The following PDE8B variants were observed in gnomAD, a reference collection of about 807,000 sequenced individuals.
The protein encoded by PDE8B is phosphodiesterase 8B.
A neutral mutation model predicts 101.3 loss-of-function variants in PDE8B; 26 were observed. The ratio of observed to expected loss-of-function variants is 0.26; its 90% CI spans 0.19 to 0.36. The LOEUF (loss-of-function observed/expected upper bound fraction) is 0.36. Ranked by LOEUF, PDE8B falls within the 10% of genes least tolerant of loss-of-function variation. The pLI, the probability that PDE8B is intolerant of heterozygous loss-of-function variation, is 1.00. For synonymous variants in PDE8B, 424 were observed against 429.3 expected (o/e 0.99, Z 0.15); for missense variants, 810 against 1,163.1 (o/e 0.70, Z 4.42).
At chr5:77,349,698 G>A (rs1231275281) in intron 8 of PDE8B, 139 bp downstream of exon 8, 2 of 998,450 alleles carry the variant, frequency 2.0e-6, no homozygotes, top group East Asian at 2.6e-5. Context: ...TTTGCAAAAT[G>A]AGTTCGTTTT....
intron 10 of PDE8B, among the ~76,000 whole-genome samples, chr5:77,388,611 C>T (rs1404355374): frequency 6.6e-6 from 1 of 152,178 alleles, no homozygotes; most frequent in Non-Finnish European, 1.5e-5. Context: ...GCTGGGAGAT[C>T]CGCTGCTCTC....
intron 1 of PDE8B, among the ~76,000 whole-genome samples, chr5:77,289,738 G>A (rs1300835166): frequency 1.3e-5 from 2 of 152,258 alleles, no homozygotes; most frequent in Admixed American, 1.3e-4. Context: ...TGTGAGGCCA[G>A]TGTCTGGAAC....
At chr5:77,106,512 GT>G in the PDE8B span, among the ~76,000 whole-genome samples, 2 of 152,100 alleles carry the variant, frequency 1.3e-5, no homozygotes, top group East Asian at 3.8e-4. Flanking sequence ...GCATATCTAT[GT>G]TTTTGCCATT....
At chr5:77,199,537 C>G in the PDE8B span, among the ~76,000 whole-genome samples, 1 of 152,054 alleles carries the variant, frequency 6.6e-6, no homozygotes, top group Non-Finnish European at 1.5e-5. Flanking sequence ...TCAGATCCCC[C>G]GTTATGAAGG....
At chr5:77,350,718 TATG>T (rs1780943897) in intron 8 of PDE8B, among the ~76,000 whole-genome samples, 2 of 152,202 alleles carry the variant, frequency 1.3e-5, no homozygotes, top group Admixed American at 6.5e-5. Flanking sequence ...GTAAATTTAG[TATG>T]ATAATGCCAA....
At chr5:77,315,449 A>G (rs917635830) in intron 2 of PDE8B, among the ~76,000 whole-genome samples, 2 of 152,076 alleles carry the variant, frequency 1.3e-5, no homozygotes, top group Admixed American at 6.6e-5. Context: ...GGCCTTTGCT[A>G]CTGATTTTTT....
chr5:77,353,731 A>C (rs182084085), intron 10 of PDE8B, among the ~76,000 whole-genome samples: 1 of 152,220 alleles, frequency 6.6e-6, no homozygotes, highest in African/African-American at 2.4e-5. Flanking sequence ...GTTGGAAAGT[A>C]TATATCCATT....
chr5:77,310,363 C>T lies in PDE8B; in HGVS notation c.340-1631C>T, dbSNP rs576628272. ...GTGGAGCTGGGTGAAGGGCTGGCAG[C>T]CCAGTGACGCAGCAGGTTCTGGTGC... On this transcript the variant is annotated intron_variant, in intron 1 of 21. Transcript: ENST00000264917. Among the ~76,000 whole-genome samples the T allele has an allele frequency of 3.3e-5, 5 of 152,350 alleles. No homozygotes were observed. The South Asian group carries it at 8.3e-4, about 25-fold the overall frequency.
chr5:77,180,967 C>CGTGTGTGTGTGTGT, the PDE8B span, among the ~76,000 whole-genome samples: 258 of 147,634 alleles, frequency 1.7e-3, 1 homozygote, highest in Admixed American at 3.8e-3. Context: ...GGTGTGTACA[C>CGTGTGTGTGTGTGT]GTGTGTGTGT....
In PDE8B at chr5:77,418,216, C is replaced by G. The variant is rs754079812; in HGVS notation, c.1912-13C>G. ...CAGTGGGTAATGCTCAACCTTGCCTCCCCATATCCCAGGGAAGCCTCGATC... is the reference window on the plus strand; with the variant it reads ...CAGTGGGTAATGCTCAACCTTGCCTGCCCATATCCCAGGGAAGCCTCGATC... On this transcript the variant is annotated splice_polypyrimidine_tract_variant and intron_variant, in intron 17 of 21. Coordinates refer to ENST00000264917, the MANE Select transcript of PDE8B (RefSeq NM_003719.5). The G allele has an allele frequency of 1.3e-6, 2 of 1,568,998 alleles. No homozygotes were observed. Among genetic ancestry groups the G allele is most frequent in the Non-Finnish European group, 1.8e-6 (2 of 1,138,894 alleles).
chr5:77,306,717 A>G (rs1361730021), intron 1 of PDE8B, among the ~76,000 whole-genome samples: 1 of 152,196 alleles, frequency 6.6e-6, no homozygotes, highest in African/African-American at 2.4e-5. Flanking sequence ...AGCTGCAGCA[A>G]TCACCTCTAG....
chr5:77,158,987 C>A, the PDE8B span, among the ~76,000 whole-genome samples: 3 of 152,164 alleles, frequency 2.0e-5, no homozygotes, highest in Non-Finnish European at 2.9e-5. Flanking sequence ...TGAGAGAATG[C>A]CTCCTTGCCC....
the PDE8B span, among the ~76,000 whole-genome samples, chr5:77,091,096 A>G: frequency 6.6e-6 from 1 of 152,148 alleles, no homozygotes; most frequent in African/African-American, 2.4e-5. Flanking sequence ...TGACTTTTTG[A>G]TAATAGTCAT....
intron 3 of PDE8B, 151 bp downstream of exon 3, chr5:77,325,880 A>G (rs1011327436): frequency 6.1e-6 from 4 of 657,196 alleles, no homozygotes; most frequent in African/African-American, 1.8e-5. Context: ...GGTGAAAGCT[A>G]TAGCTCCTTC....
At chr5:77,183,149 T>A in the PDE8B span, among the ~76,000 whole-genome samples, 1 of 150,580 alleles carries the variant, frequency 6.6e-6, no homozygotes, top group Admixed American at 6.6e-5. Context: ...AGACAGAGTC[T>A]TGCTCTGTTG....
chr5:77,426,016 G>T, intron 21 of PDE8B, 120 bp downstream of exon 21: 1 of 983,678 alleles, frequency 1.0e-6, no homozygotes, highest in South Asian at 1.4e-5. Flanking sequence ...GTGGCTGTCA[G>T]CTTTTTGTGG....
the PDE8B span, among the ~76,000 whole-genome samples, chr5:77,169,842 C>T: frequency 6.6e-6 from 1 of 152,158 alleles, no homozygotes; most frequent in South Asian, 2.1e-4. Context: ...TGTGCCGACC[C>T]TGTGGATAGT....
chr5:77,216,173 G>A lies in PDE8B; in HGVS notation c.339+4909G>A, dbSNP rs566637737. Among the ~76,000 whole-genome samples the A allele has an allele frequency of 2.0e-5, 3 of 152,242 alleles. No individual in the cohort carries two copies. The South Asian group carries it at 6.2e-4, about 32-fold the overall frequency. ...ACTGCAAATGTTTTGGCAGGATGAA[G>A]GAAAGACAACAAATGATGCTGAAGC... is the stretch of plus-strand genomic sequence containing the variant. On this transcript the variant is annotated intron_variant, in intron 1 of 21. Coordinates refer to ENST00000264917, the MANE Select transcript of PDE8B (RefSeq NM_003719.5).
At chr5:77,245,864 C>T (rs1240122088) in intron 1 of PDE8B, among the ~76,000 whole-genome samples, 3 of 113,604 alleles carry the variant, frequency 2.6e-5, no homozygotes, top group Non-Finnish European at 5.4e-5. Flanking sequence ...CCCCCCCCAA[C>T]TTTTTGAGAT....
Sources: gnomAD v4.1 joint callset for allele counts (sites outside exome capture counted in the v4.1 genomes callset) on GRCh38, gnomAD v4.1.1 for gene constraint, MANE v1.5 for transcripts, NCBI Gene and HGNC (gene_info 2026-07-23, HGNC 2026-07-21) for gene names.